Variants in BBS2 observed in about 807,000 individuals in gnomAD.
The protein encoded by BBS2 is BBSome complex member BBS2.
Under a neutral mutation model 83.0 loss-of-function variants are expected in BBS2, and 62 were observed. That is an observed-to-expected ratio of 0.75 (90% CI 0.61 to 0.92). The LOEUF (loss-of-function observed/expected upper bound fraction) is 0.92. Ranked by LOEUF, BBS2 falls within the 40% of genes least tolerant of loss-of-function variation. The pLI is 0.00. For missense variants in BBS2, 784 were observed against 901.0 expected (o/e 0.87, Z 1.66); for synonymous variants, 303 against 326.1 (o/e 0.93, Z 0.76).
At chr16:56,487,800 T>A (rs1475090139) in intron 15 of BBS2, among the ~76,000 whole-genome samples, 1 of 151,854 alleles carries the variant, frequency 6.6e-6, no homozygotes, top group South Asian at 2.1e-4. Flanking sequence ...GGAAAAACCA[T>A]GAAAAAGAAA....
In BBS2 at chr16:56,502,803, A is replaced by G. The variant is rs1309546092; in HGVS notation, c.810T>C (p.Asp270=). The change falls in exon 8 of 17, where the codon GAT becomes GAC. Residue 270 remains aspartate, a synonymous_variant. Transcript: ENST00000245157. ...LITGWSNGKV[D]ARSDRTGEVI... is the part of the protein sequence containing the mutation. ...CCTCCCCAGTTCGGTCACTTCGAGC[A>G]TCAACCTACAAATAAAACACAAATT... 1.5e-5 allele frequency: 25 copies of G among 1,614,130 alleles called. No individual in the cohort carries two copies. The highest frequency in any genetic ancestry group is 1.6e-4 in the Middle Eastern group (1 of 6,084).
chr16:56,501,329 T>C, intron 10 of BBS2, 24 bp downstream of exon 10: 1 of 1,612,168 alleles, frequency 6.2e-7, no homozygotes, highest in South Asian at 1.1e-5. Context: ...TGCCTCTAAA[T>C]ACCAGCTGTG....
intron 13 of BBS2, 101 bp from the exon 14 acceptor site, chr16:56,497,981 C>CAT (rs141690345): frequency 3.2e-3 from 3,666 of 1,131,366 alleles, no homozygotes; most frequent in African/African-American, 5.1e-3. Flanking sequence ...AATTATTGTG[C>CAT]ATATATATAT....
intron 14 of BBS2, chr16:56,497,357 G>A: frequency 1.9e-6 from 1 of 525,084 alleles, no homozygotes; most frequent in South Asian, 2.1e-5. Flanking sequence ...TTTGCAGTGG[G>A]AATATTGTAT....
intron 17 of BBS2, among the ~76,000 whole-genome samples, chr16:56,473,246 A>G (rs973224500): frequency 2.0e-5 from 3 of 152,220 alleles, no homozygotes; most frequent in African/African-American, 7.2e-5. Context: ...GCAGTTTTAC[A>G]TGTATCTGCT....
At position 56,488,773 on chromosome 16, in the gene BBS2, C is replaced by G. The variant is rs115957035; in HGVS notation, c.1911-3035G>C. 6.3e-3 allele frequency among the ~76,000 whole-genome samples: 957 copies of G among 151,782 alleles called. 11 individuals are homozygous for G. The highest frequency in any genetic ancestry group is 0.022 in the African/African-American group (924 of 41,468). On this transcript the variant is annotated intron_variant, in intron 15 of 16. Coordinates refer to ENST00000245157, the MANE Select transcript of BBS2 (RefSeq NM_031885.5). ...GAAAGTCCCAATCCTCTAATCCTGC[C>G]TTGGTCGTTCTGGTGACTGACCCCT...
chr16:56,473,077 C>T (rs1963277510), intron 17 of BBS2, among the ~76,000 whole-genome samples: 1 of 152,148 alleles, frequency 6.6e-6, no homozygotes, highest in Admixed American at 6.5e-5. Flanking sequence ...ACTACAGGCG[C>T]ATGCCACCAC....
intron 1 of BBS2, among the ~76,000 whole-genome samples, chr16:56,516,799 C>A (rs1414353217): frequency 6.6e-6 from 1 of 152,164 alleles, no homozygotes; most frequent in Non-Finnish European, 1.5e-5. Flanking sequence ...GACATGCAGG[C>A]TTTAACCCTA....
chr16:56,497,833 C>T lies in BBS2; in HGVS notation c.1707G>A (p.Gln569=). The change falls in exon 14 of 17, where the codon CAG becomes CAA. Residue 569 remains glutamine (Q), a synonymous_variant. Coordinates refer to ENST00000245157, the MANE Select transcript of BBS2 (RefSeq NM_031885.5). ...DDIDLAGDII[Q]SMASFFAIED... ...CAATAGCAAAAAATGATGCCATTGA[C>T]TGGATGATATCACCAGCCAAATCAA... is the stretch of plus-strand genomic sequence containing the variant. The T allele has an allele frequency of 6.2e-7, 1 of 1,612,634 alleles. No individual in the cohort carries two copies. Among genetic ancestry groups the T allele is most frequent in the Non-Finnish European group, 8.5e-7 (1 of 1,179,792 alleles).
intron 17 of BBS2, among the ~76,000 whole-genome samples, chr16:56,475,339 A>C (rs1963409608): frequency 6.6e-6 from 1 of 152,234 alleles, no homozygotes; most frequent in Non-Finnish European, 1.5e-5. Context: ...AGGGGAAGGC[A>C]ATCCATGATA....
chr16:56,475,584 C>T (rs771870119), intron 17 of BBS2: 53 of 1,606,132 alleles, frequency 3.3e-5, no homozygotes, highest in Non-Finnish European at 3.1e-5. Flanking sequence ...CTTCTGATAG[C>T]AAACTATCAT....
At chr16:56,508,969 C>T (rs1316269954) in intron 5 of BBS2, among the ~76,000 whole-genome samples, 2 of 152,032 alleles carry the variant, frequency 1.3e-5, no homozygotes, top group Non-Finnish European at 2.9e-5. Context: ...GCCTAAACAA[C>T]CTGGGATATT....
chr16:56,472,622 C>T (rs2144044071), intron 17 of BBS2, among the ~76,000 whole-genome samples: 1 of 152,148 alleles, frequency 6.6e-6, no homozygotes, highest in Non-Finnish European at 1.5e-5. Flanking sequence ...ACGTCAATTT[C>T]AGAATGTTTA....
chr16:56,479,351 G>A (rs1308727395), downstream of BBS2, among the ~76,000 whole-genome samples: 1 of 152,172 alleles, frequency 6.6e-6, no homozygotes, highest in African/African-American at 2.4e-5. Flanking sequence ...GCACGTGCCT[G>A]TAATCCCAGG....
chr16:56,487,948 G>A (rs748215218), intron 15 of BBS2, among the ~76,000 whole-genome samples: 4 of 152,166 alleles, frequency 2.6e-5, no homozygotes, highest in Non-Finnish European at 4.4e-5. Flanking sequence ...ACTGTTTAAC[G>A]GGTACAGAGT....
chr16:56,495,944 T>C (rs1466624444), intron 15 of BBS2, among the ~76,000 whole-genome samples: 1 of 152,034 alleles, frequency 6.6e-6, no homozygotes, highest in Non-Finnish European at 1.5e-5. Flanking sequence ...GATCAGTCTT[T>C]AGTTGATAAC....
In BBS2 at chr16:56,475,061, C is replaced by G. The variant is rs546055213; in HGVS notation, c.*1-4366G>C. ...ATAAGTAATTTGCCTAGTTCAGAAT[C>G]TCACATCATGGGATCTCAAAGTCAA... On this transcript the variant is annotated intron_variant, in intron 17 of 17. Transcript: ENST00000682047. 5 of 1,132,448 alleles carry G rather than the reference C, an allele frequency of 4.4e-6. No homozygotes were observed. The South Asian group carries it at 7.4e-5, about 17-fold the overall frequency. 70.1% of individuals were successfully genotyped at this position (1,132,448 alleles called of 1,614,324 possible). A position where few individuals can be genotyped will look rare whatever the true frequency, so the allele number is the denominator to read the frequency against.
chr16:56,498,644 T>C, intron 12 of BBS2, 76 bp from the exon 13 acceptor site: 2 of 1,607,028 alleles, frequency 1.2e-6, no homozygotes, highest in Non-Finnish European at 1.7e-6. Context: ...CCTCTAGATA[T>C]GAAGGTACAG....
At chr16:56,475,647 T>C (rs1963436220) in intron 17 of BBS2, 1 of 1,078,878 alleles carries the variant, frequency 9.3e-7, no homozygotes. Context: ...TTTATGACCT[T>C]CTACCAGTGT....
Sources: gnomAD v4.1 joint callset for allele counts (sites outside exome capture counted in the v4.1 genomes callset) on GRCh38, gnomAD v4.1.1 for gene constraint, MANE v1.5 for transcripts, NCBI Gene and HGNC (gene_info 2026-07-23, HGNC 2026-07-21) for gene names.